RASSF4: variants seen among roughly 807,000 people sequenced by gnomAD.
RASSF4 encodes Ras association domain family member 4, also known as ras association domain-containing protein 4.
In RASSF4, 38 loss-of-function variants were observed where a neutral mutation model predicts 41.1. The ratio of observed to expected loss-of-function variants is 0.92; its 90% CI spans 0.71 to 1.21. The LOEUF is 1.21. RASSF4 is among the 50% of genes most tolerant of loss of function. RASSF4 has a pLI of 0.00. For synonymous variants in RASSF4, 179 were observed against 163.4 expected (o/e 1.10, Z -0.73); for missense variants, 414 against 419.4 (o/e 0.99, Z 0.11).
At chr10:44,988,002 G>A (rs1363808382) in intron 6 of RASSF4, among the ~76,000 whole-genome samples, 1 of 152,154 alleles carries the variant, frequency 6.6e-6, no homozygotes, top group Non-Finnish European at 1.5e-5. Context: ...TGAGCTCTCT[G>A]AGCCTTAGCT....
chr10:44,987,739 GTC>G (rs1053778805), intron 6 of RASSF4, among the ~76,000 whole-genome samples: 34 of 151,126 alleles, frequency 2.2e-4, no homozygotes, highest in African/African-American at 8.0e-4. Context: ...CTCACTTTGT[GTC>G]TCTGTGTCAG....
chr10:44,985,002 G>T (rs776213393), intron 6 of RASSF4, 32 bp downstream of exon 6: 1 of 1,592,386 alleles, frequency 6.3e-7, no homozygotes, highest in African/African-American at 1.3e-5. Flanking sequence ...TCCCCTGGGC[G>T]CATGGGGAGC....
At chr10:44,970,916 G>T (rs12246550) in intron 2 of RASSF4, 4,264 of 156,252 alleles carry the variant, frequency 0.027, 176 homozygotes, top group African/African-American at 0.098. Context: ...CAGAGCAAAA[G>T]CTCACTTATC....
intron 3 of RASSF4, chr10:44,978,183 CCCAGA>C: frequency 1.2e-6 from 1 of 811,104 alleles, no homozygotes; most frequent in Non-Finnish European, 1.9e-6. Flanking sequence ...GTCTACAGAG[CCCAGA>C]CCAGAGCTCC....
At chr10:44,973,812 C>CG (rs1841283406) in intron 3 of RASSF4, among the ~76,000 whole-genome samples, 1 of 152,162 alleles carries the variant, frequency 6.6e-6, no homozygotes, top group Non-Finnish European at 1.5e-5. Context: ...GTGTATGCTG[C>CG]GGGACAGCCC....
intron 1 of RASSF4, among the ~76,000 whole-genome samples, chr10:44,965,784 GC>G (rs1428922566): frequency 1.3e-5 from 2 of 152,142 alleles, no homozygotes; most frequent in Non-Finnish European, 2.9e-5. Flanking sequence ...AGCCCACCTT[GC>G]CCTTTATCCC....
At chr10:44,987,967 A>C (rs1259166614) in intron 6 of RASSF4, among the ~76,000 whole-genome samples, 2 of 152,166 alleles carry the variant, frequency 1.3e-5, no homozygotes, top group Admixed American at 6.5e-5. Flanking sequence ...TGGACTTATC[A>C]GAGCGGGGAT....
chr10:44,982,946 G>A, intron 4 of RASSF4: 1 of 669,158 alleles, frequency 1.5e-6, no homozygotes, highest in Non-Finnish European at 2.8e-6. Flanking sequence ...TACAGCCAGG[G>A]GGGCTCCCAA....
chr10:44,964,286 C>G (rs1440164335), intron 1 of RASSF4, among the ~76,000 whole-genome samples: 1 of 152,252 alleles, frequency 6.6e-6, no homozygotes. Context: ...ACAGACAGCC[C>G]TGGCTGCAGC....
chr10:44,978,006 C>T lies in RASSF4; in HGVS notation c.139-4515C>T, dbSNP rs565312333. ...TCCCGAATTGTGGGCAGATGGGCCA[C>T]GGAGAGCAGAAGCCGGGACCTCATC... On this transcript the variant is annotated intron_variant, in intron 3 of 10. Coordinates refer to ENST00000340258, the MANE Select transcript of RASSF4 (RefSeq NM_032023.4). The T allele has an allele frequency of 1.1e-5, 18 of 1,610,914 alleles. No homozygotes were observed. Among genetic ancestry groups the T allele is most frequent in the Middle Eastern group, 1.7e-4 (1 of 6,044 alleles).
At chr10:44,985,730 G>A (rs147351770) in intron 6 of RASSF4, among the ~76,000 whole-genome samples, 53 of 152,272 alleles carry the variant, frequency 3.5e-4, no homozygotes, top group Non-Finnish European at 6.6e-4. Flanking sequence ...CTATCCAGGG[G>A]CCATTCAAGC....
intron 6 of RASSF4, among the ~76,000 whole-genome samples, chr10:44,985,256 G>T (rs1841880910): frequency 1.3e-5 from 2 of 152,172 alleles, no homozygotes; most frequent in African/African-American, 4.8e-5. Flanking sequence ...CGCTTTCTAG[G>T]AGGCTTCCCC....
rs946191106 is a variant in RASSF4, at chr10:44,993,494, G to A, written c.*165G>A. 4.8e-6 allele frequency: 3 copies of A among 624,638 alleles called. No homozygotes were observed. The highest frequency in any genetic ancestry group is 2.7e-5 in the Admixed American group (1 of 37,320). 38.7% of individuals were successfully genotyped at this position (624,638 alleles called of 1,614,324 possible). ...CTGAGCACCATGATTCCCACAGCCA[G>A]CTCTTGGCTCCAAGATGAGCACCCA... is the stretch of plus-strand genomic sequence containing the variant. On this transcript the variant is annotated 3_prime_UTR_variant, in exon 11 of 11. Coordinates refer to ENST00000340258, the MANE Select transcript of RASSF4 (RefSeq NM_032023.4).
rs112868557 is a variant in RASSF4 at position 44,984,572 on chromosome 10, A to C, written c.374-241A>C. ...CACCAAAGACCTCCATGGGCACCCT[A>C]AGACAGAGACCAAGAGGGGTATGGC... On this transcript the variant is annotated intron_variant, in intron 5 of 10. Coordinates refer to ENST00000340258, the MANE Select transcript of RASSF4 (RefSeq NM_032023.4). 5.2e-6 allele frequency: 3 copies of C among 581,552 alleles called. No individual in the cohort carries two copies. In the African/African-American group the frequency reaches 5.6e-5, roughly 11 times the overall value. The allele number at this position is 581,552 out of a possible 1,614,324, so 36.0% of individuals were successfully genotyped here.
chr10:44,990,908 C>A, intron 8 of RASSF4, 40 bp from the exon 9 acceptor site: 1 of 1,599,528 alleles, frequency 6.3e-7, no homozygotes, highest in Non-Finnish European at 8.6e-7. Flanking sequence ...AGAGGTGATC[C>A]TAATCTCCCG....
At chr10:44,973,500 G>A (rs985886337) in intron 3 of RASSF4, among the ~76,000 whole-genome samples, 4 of 152,216 alleles carry the variant, frequency 2.6e-5, no homozygotes, top group Non-Finnish European at 5.9e-5. Flanking sequence ...AATCCCAGGT[G>A]GCTTTCCACA....
At chr10:44,976,966 C>CT (rs1277802394) in intron 3 of RASSF4, 1 of 157,852 alleles carries the variant, frequency 6.3e-6, no homozygotes, top group Non-Finnish European at 1.4e-5. Context: ...TCTGAAACAC[C>CT]TGGGGGGCTG....
intron 4 of RASSF4, chr10:44,983,763 GTC>G: frequency 1.9e-6 from 1 of 526,152 alleles, no homozygotes; most frequent in South Asian, 2.1e-5. Flanking sequence ...GTGTCCGTGT[GTC>G]TGTGCGATGC....
Position 44,971,760 on chromosome 10 carries a change from T to G in RASSF4, c.63-13T>G, listed in dbSNP as rs1196618187. The G allele has an allele frequency of 6.2e-7, 1 of 1,611,682 alleles. No homozygotes were observed. The highest frequency in any genetic ancestry group is 8.5e-7 in the Non-Finnish European group (1 of 1,177,764). On this transcript the variant is annotated splice_polypyrimidine_tract_variant and intron_variant, in intron 2 of 10. Transcript: ENST00000340258. The stretch of plus-strand genomic sequence containing the variant: ...CACACCCTAGGAGTACATGTGTGTC[T>G]TTCCCTTTTTAGGTCGGAGCTCTTA...
Sources: allele counts gnomAD v4.1 joint callset (sites outside exome capture counted in the v4.1 genomes callset), GRCh38; gene constraint gnomAD v4.1.1; transcripts MANE v1.5; gene names NCBI Gene and HGNC (gene_info 2026-07-23, HGNC 2026-07-21).